The following ANKH variants were observed in gnomAD, a reference collection of about 807,000 sequenced individuals.
ANKH encodes ANKH inorganic pyrophosphate transport regulator.
A neutral mutation model predicts 49.0 loss-of-function variants in ANKH; 15 were observed. That is an observed-to-expected ratio of 0.31 (90% CI 0.20 to 0.47). The LOEUF (loss-of-function observed/expected upper bound fraction) is 0.47. ANKH is among the 20% of genes least tolerant of loss of function. The pLI, the probability that ANKH is intolerant of heterozygous loss-of-function variation, is 1.00. For synonymous variants in ANKH, 273 were observed against 260.0 expected, an observed-to-expected ratio of 1.05 and a Z score of -0.48; for missense variants, 429 against 652.0, an observed-to-expected ratio of 0.66 and a Z score of 3.72.
At chr5:14,840,292 A>G (rs545762912) in intron 1 of ANKH, among the ~76,000 whole-genome samples, 3 of 152,226 alleles carry the variant, frequency 2.0e-5, no homozygotes, top group African/African-American at 7.2e-5. Flanking sequence ...TATTCAAGAT[A>G]TAGTTTAAAG....
At chr5:14,763,421 G>A (rs1739151312) in intron 2 of ANKH, among the ~76,000 whole-genome samples, 1 of 152,210 alleles carries the variant, frequency 6.6e-6, no homozygotes, top group African/African-American at 2.4e-5. Flanking sequence ...ATCAGGTACT[G>A]CACACTCTAA....
At chr5:14,784,300 G>A (rs1415328086) in intron 1 of ANKH, among the ~76,000 whole-genome samples, 1 of 152,172 alleles carries the variant, frequency 6.6e-6, no homozygotes, top group African/African-American at 2.4e-5. Flanking sequence ...CCCTGCCCTA[G>A]GTTCCTGGTT....
intron 1 of ANKH, among the ~76,000 whole-genome samples, chr5:14,830,017 C>T (rs545622977): frequency 5.9e-5 from 9 of 152,288 alleles, no homozygotes; most frequent in South Asian, 2.1e-4. Flanking sequence ...AGTCACTTAT[C>T]TTTTGTCTGT....
intron 1 of ANKH, among the ~76,000 whole-genome samples, chr5:14,772,798 T>C (rs1220782624): frequency 6.6e-6 from 1 of 152,236 alleles, no homozygotes; most frequent in Non-Finnish European, 1.5e-5. Flanking sequence ...TCCCCGGATG[T>C]TGGGAATTGG....
chr5:14,865,561 C>A (rs570590598), intron 1 of ANKH, among the ~76,000 whole-genome samples: 1 of 152,248 alleles, frequency 6.6e-6, no homozygotes, highest in Non-Finnish European at 1.5e-5. Flanking sequence ...GTGGATCTTA[C>A]AACAGATCCC....
chr5:14,791,699 A>G (rs1174790390), intron 1 of ANKH, among the ~76,000 whole-genome samples: 1 of 152,208 alleles, frequency 6.6e-6, no homozygotes, highest in Non-Finnish European at 1.5e-5. Flanking sequence ...GTGTGCAAAG[A>G]ATGCCAGTTT....
intron 1 of ANKH, among the ~76,000 whole-genome samples, chr5:14,815,199 G>C (rs147681592): frequency 6.6e-6 from 1 of 152,266 alleles, no homozygotes; most frequent in African/African-American, 2.4e-5. Context: ...TACCTACTGG[G>C]CTGTAGCAGA....
At chr5:14,841,177 G>T (rs2126609476) in intron 1 of ANKH, among the ~76,000 whole-genome samples, 2 of 151,880 alleles carry the variant, frequency 1.3e-5, no homozygotes, top group South Asian at 4.2e-4. Context: ...AAAAACAAAA[G>T]AAAAAACTTA....
chr5:14,754,738 G>A (rs1440660440), intron 4 of ANKH, among the ~76,000 whole-genome samples: 1 of 152,178 alleles, frequency 6.6e-6, no homozygotes, highest in Non-Finnish European at 1.5e-5. Context: ...GTGGCTAAGA[G>A]AGCAGGGTGT....
intron 1 of ANKH, chr5:14,797,656 C>T: frequency 1.3e-6 from 2 of 1,596,786 alleles, no homozygotes; most frequent in South Asian, 1.1e-5. Flanking sequence ...AGTTTCTGAT[C>T]ATCAGCAACT....
intron 6 of ANKH, among the ~76,000 whole-genome samples, chr5:14,746,834 C>T (rs577478178): frequency 3.7e-4 from 57 of 152,282 alleles, no homozygotes; most frequent in Middle Eastern, 3.4e-3. Flanking sequence ...TTTGCAAAGA[C>T]GGTTTCAATC....
In ANKH at chr5:14,822,941, G is replaced by A. The variant is rs1580095733; in HGVS notation, c.96+48411C>T. On this transcript the variant is annotated intron_variant, in intron 1 of 11. Coordinates refer to ENST00000284268, the MANE Select transcript of ANKH (RefSeq NM_054027.6). ...CCCAGCTACTCGGGAGGCTGAGGCAGGAGAATGGCGTGAACCCGGAAGGCG... is the reference window on the plus strand; with the variant it reads ...CCCAGCTACTCGGGAGGCTGAGGCAAGAGAATGGCGTGAACCCGGAAGGCG... 3.3e-5 allele frequency among the ~76,000 whole-genome samples: 5 copies of A among 152,122 alleles called. No individual in the cohort carries two copies. In the South Asian group the frequency reaches 6.2e-4, roughly 19 times the overall value.
chr5:14,713,739 G>A lies in ANKH; in HGVS notation c.1142-72C>T, dbSNP rs1737331844. On this transcript the variant is annotated intron_variant, in intron 9 of 11. Coordinates refer to ENST00000284268, the MANE Select transcript of ANKH (RefSeq NM_054027.6). This position sits in a 1 kb window ranked among gnomAD's most constrained non-coding sequence, Gnocchi z 4.4. ...CCCCATCCTGCTGCCTCTGGACCAG[G>A]GCAGCACATCCGAGAGCCAGGGGCT... is the stretch of plus-strand genomic sequence containing the variant. The A allele has an allele frequency of 1.9e-6, 3 of 1,608,450 alleles. No individual in the cohort carries two copies. The highest frequency in any genetic ancestry group is 2.5e-6 in the Non-Finnish European group (3 of 1,177,742).
intron 9 of ANKH, among the ~76,000 whole-genome samples, chr5:14,714,089 C>G (rs1253473625): frequency 6.6e-6 from 1 of 152,256 alleles, no homozygotes; most frequent in Non-Finnish European, 1.5e-5. Flanking sequence ...AGCCATCTTC[C>G]CTGCCTGCGG....
At chr5:14,724,547 C>G (rs533602369) in intron 8 of ANKH, 16 of 985,208 alleles carry the variant, frequency 1.6e-5, no homozygotes, top group Non-Finnish European at 1.9e-5. Context: ...ACAGAAGACC[C>G]CTGGGTCTTA....
At chr5:14,754,693 G>A (rs1738823319) in intron 4 of ANKH, among the ~76,000 whole-genome samples, 1 of 152,174 alleles carries the variant, frequency 6.6e-6, no homozygotes, top group African/African-American at 2.4e-5. Flanking sequence ...CTTCAGGGAA[G>A]TACTAACAGT....
At chr5:14,735,852 G>A (rs960479765) in intron 8 of ANKH, among the ~76,000 whole-genome samples, 3 of 152,022 alleles carry the variant, frequency 2.0e-5, no homozygotes, top group Admixed American at 1.3e-4. Flanking sequence ...GGTACTGGGG[G>A]TTAGGACTTT....
At chr5:14,814,641 G>A (rs887022023) in intron 1 of ANKH, among the ~76,000 whole-genome samples, 8 of 152,264 alleles carry the variant, frequency 5.3e-5, no homozygotes, top group Admixed American at 2.0e-4. Context: ...AAATGGACCC[G>A]GAGTGGATAA....
At chr5:14,724,770 A>G (rs1460335238) in intron 8 of ANKH, among the ~76,000 whole-genome samples, 3 of 152,216 alleles carry the variant, frequency 2.0e-5, no homozygotes, top group African/African-American at 7.2e-5. Context: ...AAACATGCCA[A>G]CCAGGCCACG....
Sources: gnomAD v4.1 joint callset for allele counts (sites outside exome capture counted in the v4.1 genomes callset) on GRCh38, gnomAD v4.1.1 for gene constraint, Gnocchi (gnomAD v3.1) non-coding constraint, MANE v1.5 for transcripts, NCBI Gene and HGNC (gene_info 2026-07-23, HGNC 2026-07-21) for gene names.